Variants in PACRG observed in about 807,000 individuals in gnomAD.
PACRG encodes parkin coregulated, also known as parkin coregulated gene protein.
PACRG carries 29 observed loss-of-function variants against 29.7 expected under a neutral mutation model. The ratio of observed to expected loss-of-function variants is 0.98; its 90% confidence interval spans 0.73 to 1.33. The LOEUF (loss-of-function observed/expected upper bound fraction) is 1.33. PACRG is among the 40% of genes most tolerant of loss of function. The pLI is 0.00. For missense variants in PACRG, 279 were observed against 316.2 expected (o/e 0.88, Z 0.89); for synonymous variants, 116 against 118.7 (o/e 0.98, Z 0.15).
At chr6:162,885,819 T>C (rs1794292800) in intron 2 of PACRG, among the ~76,000 whole-genome samples, 2 of 152,192 alleles carry the variant, frequency 1.3e-5, no homozygotes, top group African/African-American at 2.4e-5. Context: ...TACTGTTTGC[T>C]GAATCATTTG....
intron 2 of PACRG, among the ~76,000 whole-genome samples, chr6:162,896,218 GCTGC>G: frequency 6.6e-6 from 1 of 152,318 alleles, no homozygotes; most frequent in East Asian, 1.9e-4. Context: ...CTTTGTTACT[GCTGC>G]CTCTTTCTAC....
At chr6:163,022,233 A>T (rs1451648558) in intron 2 of PACRG, among the ~76,000 whole-genome samples, 2 of 152,172 alleles carry the variant, frequency 1.3e-5, no homozygotes, top group African/African-American at 4.8e-5. Flanking sequence ...GTACCTGTTG[A>T]ATTGGGAGTT....
chr6:163,174,638 G>C (rs554306513), intron 4 of PACRG, among the ~76,000 whole-genome samples: 4 of 152,154 alleles, frequency 2.6e-5, no homozygotes, highest in Non-Finnish European at 5.9e-5. Flanking sequence ...TCCCAGACTC[G>C]TACAGAGTTT....
intron 1 of PACRG, among the ~76,000 whole-genome samples, chr6:162,771,685 G>A (rs528336065): frequency 6.6e-6 from 1 of 152,206 alleles, no homozygotes; most frequent in Admixed American, 6.5e-5. Context: ...ATTCATAGCT[G>A]TTAGTATCTT....
At chr6:162,899,203 T>G (rs1035536722) in intron 2 of PACRG, among the ~76,000 whole-genome samples, 3 of 152,048 alleles carry the variant, frequency 2.0e-5, no homozygotes, top group Admixed American at 2.0e-4. Context: ...TTTTTGAAAA[T>G]TAATGACAAT....
At chr6:162,943,194 G>A (rs1798753572) in intron 2 of PACRG, among the ~76,000 whole-genome samples, 1 of 152,162 alleles carries the variant, frequency 6.6e-6, no homozygotes, top group Non-Finnish European at 1.5e-5. Context: ...TGTCTTAAGT[G>A]GCTACAACAA....
intron 2 of PACRG, among the ~76,000 whole-genome samples, chr6:162,859,978 G>A (rs1327369864): frequency 7.4e-6 from 1 of 135,228 alleles, no homozygotes; most frequent in Non-Finnish European, 1.5e-5. Flanking sequence ...AGCTGGTGAG[G>A]AAAAGGTATT....
chr6:163,177,829 AC>A (rs1191887712), intron 4 of PACRG, among the ~76,000 whole-genome samples: 4 of 148,912 alleles, frequency 2.7e-5, no homozygotes, highest in Non-Finnish European at 5.9e-5. Context: ...GCACGTCCAA[AC>A]AGCACACATG....
At chr6:163,018,016 T>G (rs1171186372) in intron 2 of PACRG, among the ~76,000 whole-genome samples, 1 of 152,148 alleles carries the variant, frequency 6.6e-6, no homozygotes, top group Non-Finnish European at 1.5e-5. Flanking sequence ...CCAGTGTGTT[T>G]ATGTCACTGT....
At chr6:163,281,708 A>C (rs992497029) in intron 4 of PACRG, among the ~76,000 whole-genome samples, 1 of 152,214 alleles carries the variant, frequency 6.6e-6, no homozygotes, top group East Asian at 1.9e-4. Flanking sequence ...TCTAAGCAAA[A>C]TTCAGAATCC....
At position 163,248,165 on chromosome 6, in the gene PACRG, G is replaced by A. The variant is rs537450777; in HGVS notation, c.614-66662G>A. 5.3e-5 allele frequency among the ~76,000 whole-genome samples: 8 copies of A among 152,358 alleles called. No homozygotes were observed. The South Asian group carries it at 6.2e-4, about 12-fold the overall frequency. On this transcript the variant is annotated intron_variant, in intron 4 of 4. Transcript: ENST00000366888. ...AAGAAAGAGACACACAGTGCCAGGC[G>A]GAGAGGTTGTTGAATGTTGCATGGG...
chr6:163,138,947 A>G lies in PACRG; in HGVS notation c.613+49539A>G, dbSNP rs555616917. Among the ~76,000 whole-genome samples, 3 of 152,312 alleles carry G rather than the reference A, an allele frequency of 2.0e-5. No homozygotes were observed. In the East Asian group the frequency reaches 5.8e-4, roughly 29 times the overall value. On this transcript the variant is annotated intron_variant, in intron 4 of 4. Coordinates refer to ENST00000366888, the MANE Select transcript of PACRG (RefSeq NM_001080379.2). ...ATTTCTAGACTAGTCATCCAAAATG[A>G]GTGTTAGAACATGAGTTTAGAGTCA...
intron 4 of PACRG, among the ~76,000 whole-genome samples, chr6:163,212,479 G>T (rs760070139): frequency 2.0e-5 from 3 of 152,148 alleles, no homozygotes; most frequent in Non-Finnish European, 4.4e-5. Flanking sequence ...ACAGAGCCAT[G>T]TCAAAAAGAA....
In PACRG at chr6:162,793,671, G is replaced by A. The variant is rs1514342; in HGVS notation, c.157-20476G>A. ...TATTAATTGAACCATCATTTGGGTG[G>A]CAATGTGTCAGGCTATGGAATTTAA... is the stretch of plus-strand genomic sequence containing the variant. On this transcript the variant is annotated intron_variant, in intron 1 of 4. Coordinates refer to ENST00000366888, the MANE Select transcript of PACRG (RefSeq NM_001080379.2). 3.8e-3 allele frequency among the ~76,000 whole-genome samples: 575 copies of A among 152,290 alleles called. 4 individuals are homozygous for A. Among genetic ancestry groups the A allele is most frequent in the African/African-American group, 0.013 (558 of 41,550 alleles).
At chr6:162,914,422 A>T (rs1796540287) in intron 2 of PACRG, among the ~76,000 whole-genome samples, 1 of 151,146 alleles carries the variant, frequency 6.6e-6, no homozygotes, top group African/African-American at 2.4e-5. Flanking sequence ...GTACTTCTTT[A>T]TCTTTTGCCA....
intron 1 of PACRG, among the ~76,000 whole-genome samples, chr6:162,797,273 C>T (rs1785460438): frequency 1.3e-5 from 2 of 152,002 alleles, no homozygotes; most frequent in African/African-American, 4.8e-5. Flanking sequence ...ATCTCAAAAA[C>T]CAAACCAAAC....
chr6:162,970,860 G>A (rs543853006), intron 2 of PACRG, among the ~76,000 whole-genome samples: 35 of 152,224 alleles, frequency 2.3e-4, no homozygotes, highest in South Asian at 8.3e-4. Flanking sequence ...CCTGAGCCAC[G>A]TATCCTGACT....
At chr6:162,821,231 C>T (rs545057471) in intron 2 of PACRG, among the ~76,000 whole-genome samples, 1 of 152,278 alleles carries the variant, frequency 6.6e-6, no homozygotes, top group African/African-American at 2.4e-5. Flanking sequence ...TTGTAGCAAG[C>T]CTGCAGAAAC....
intron 2 of PACRG, among the ~76,000 whole-genome samples, chr6:162,980,301 A>G (rs1166957859): frequency 6.6e-6 from 1 of 152,148 alleles, no homozygotes; most frequent in Admixed American, 6.6e-5. Context: ...AATACTCTTC[A>G]GTCAGTTCAC....
Sources: allele counts gnomAD v4.1 joint callset (sites outside exome capture counted in the v4.1 genomes callset), GRCh38; gene constraint gnomAD v4.1.1; transcripts MANE v1.5; gene names NCBI Gene and HGNC (gene_info 2026-07-23, HGNC 2026-07-21).